The following SLC10A6 variants were observed in gnomAD, a reference collection of about 807,000 sequenced individuals.
SLC10A6 encodes the protein sodium-dependent organic anion transporter.
SLC10A6 carries 27 observed loss-of-function variants against 30.0 expected under a neutral mutation model. The observed-to-expected ratio is 0.90, with a 90% confidence interval of 0.66 to 1.24. The LOEUF is 1.24. Among genes scored for constraint, SLC10A6 ranks in the 50% most tolerant of loss-of-function variants. The pLI, the probability that SLC10A6 is intolerant of heterozygous loss-of-function variation, is 0.00. For missense variants in SLC10A6, 439 were observed against 457.0 expected, an observed-to-expected ratio of 0.96 and a Z score of 0.36; for synonymous variants, 166 against 173.8, an observed-to-expected ratio of 0.95 and a Z score of 0.36.
intron 4 of SLC10A6, among the ~76,000 whole-genome samples, chr4:86,827,206 C>G (rs1746012286): frequency 6.6e-6 from 1 of 152,184 alleles, no homozygotes; most frequent in South Asian, 2.1e-4. Context: ...GAGCCAATTG[C>G]ATTTCAACCA....
rs138324793 is a variant in SLC10A6 at position 86,831,049 on chromosome 4, T to C, written c.585+743A>G. On this transcript the variant is annotated intron_variant, in intron 3 of 5. Transcript: ENST00000273905. Reference sequence around the variant, plus strand: ...GTGCAATGGCATGATAATGGCTCACTGTAGCCTCAACCTCCTGGCCTCAAG... The same window carrying C: ...GTGCAATGGCATGATAATGGCTCACCGTAGCCTCAACCTCCTGGCCTCAAG... Among the ~76,000 whole-genome samples the C allele has an allele frequency of 9.2e-3, 1,404 of 152,288 alleles. 12 individuals carry two copies. Among genetic ancestry groups the C allele is most frequent in the Non-Finnish European group, 0.015 (1,023 of 68,022 alleles).
chr4:86,828,012 T>C lies in SLC10A6; in HGVS notation c.742A>G (p.Thr248Ala). ...CTATACCTTTGCCAAGACTGGTGGG[T>C]AAAAAGTGCCAGCAGAAAACCCGTG... The part of the protein sequence containing the change: ...HVTGFLLALF[T>A]HQSWQRCRTI... The change falls in exon 4 of 6, where the codon ACC (threonine) becomes GCC (alanine). Residue 248 changes from threonine to alanine, a missense_variant. Coordinates refer to ENST00000273905, the MANE Select transcript of SLC10A6 (RefSeq NM_197965.3). The C allele has an allele frequency of 6.2e-7, 1 of 1,612,764 alleles. No individual in the cohort carries two copies. The highest frequency in any genetic ancestry group is 8.5e-7 in the Non-Finnish European group (1 of 1,179,550).
chr4:86,835,735 G>T (rs1228976973), intron 1 of SLC10A6, among the ~76,000 whole-genome samples: 1 of 143,094 alleles, frequency 7.0e-6, no homozygotes, highest in Non-Finnish European at 1.5e-5. Flanking sequence ...GGAGAAGAAA[G>T]AAAGAAAGAA....
chr4:86,839,273 C>CAA (rs60340324), intron 1 of SLC10A6, among the ~76,000 whole-genome samples: 14 of 55,346 alleles, frequency 2.5e-4, no homozygotes, highest in African/African-American at 4.9e-4. Flanking sequence ...CTGGTCTCTA[C>CAA]AAAAAAAAAA....
chr4:86,839,509 T>C (rs920577722), intron 1 of SLC10A6, among the ~76,000 whole-genome samples: 3 of 152,124 alleles, frequency 2.0e-5, no homozygotes, highest in Non-Finnish European at 2.9e-5. Context: ...TTGCTTTTTT[T>C]CCCACTTCAT....
intron 1 of SLC10A6, among the ~76,000 whole-genome samples, chr4:86,847,977 T>C (rs978498154): frequency 1.3e-5 from 2 of 152,160 alleles, no homozygotes; most frequent in African/African-American, 4.8e-5. Context: ...TCAAAACATG[T>C]AATCCAGAAA....
At chr4:86,842,786 T>TTTTCCTTCTTTC (rs1746312975) in intron 1 of SLC10A6, among the ~76,000 whole-genome samples, 1 of 106,696 alleles carries the variant, frequency 9.4e-6, no homozygotes, top group Admixed American at 1.0e-4. Flanking sequence ...TGGACACCTC[T>TTTTCCTTCTTTC]TTTCTTTCTT....
At chr4:86,829,865 AC>A (rs1393333521) in intron 3 of SLC10A6, among the ~76,000 whole-genome samples, 6 of 152,258 alleles carry the variant, frequency 3.9e-5, no homozygotes, top group African/African-American at 1.4e-4. Context: ...AATAAAACTG[AC>A]ATGTAAAAAA....
chr4:86,841,649 G>A lies in SLC10A6; in HGVS notation c.377+7090C>T, dbSNP rs181646237. ...AGTCTTGAACCCTCCCTTAAAGCAG[G>A]GAAATTACATATATACACATTACAT... On this transcript the variant is annotated intron_variant, in intron 1 of 5. Transcript: ENST00000273905. 2.2e-4 allele frequency among the ~76,000 whole-genome samples: 34 copies of A among 152,106 alleles called. 1 individual carries two copies. Among genetic ancestry groups the A allele is most frequent in the Admixed American group, 1.2e-3 (19 of 15,282 alleles).
intron 3 of SLC10A6, 95 bp downstream of exon 3, chr4:86,831,697 A>T: frequency 1.0e-6 from 1 of 993,348 alleles, no homozygotes; most frequent in Non-Finnish European, 1.6e-6. Context: ...GTGGGGCCGT[A>T]CTCAACAAGC....
Position 86,823,611 on chromosome 4 carries a change from A to G in SLC10A6, c.*77T>C. On this transcript the variant is annotated 3_prime_UTR_variant, in exon 6 of 6. Coordinates refer to ENST00000273905, the MANE Select transcript of SLC10A6 (RefSeq NM_197965.3). ...AATATTCACACTGGCCCTACCAACA[A>G]GATTCATGTGTCAGCTGCACACTGT... is the stretch of plus-strand genomic sequence containing the variant. The G allele has an allele frequency of 8.5e-7, 1 of 1,179,394 alleles. No individual in the cohort carries two copies. Among genetic ancestry groups the G allele is most frequent in the Non-Finnish European group, 1.2e-6 (1 of 842,338 alleles). The allele number at this position is 1,179,394 out of a possible 1,614,324, so 73.1% of individuals were successfully genotyped here.
intron 1 of SLC10A6, chr4:86,837,769 G>T (rs1578758123): frequency 2.9e-6 from 1 of 344,620 alleles, no homozygotes; most frequent in Non-Finnish European, 4.1e-6. Context: ...CTTTCAATTT[G>T]CTGGAAAAAA....
At chr4:86,843,979 C>T (rs1462504762) in intron 1 of SLC10A6, among the ~76,000 whole-genome samples, 1 of 151,970 alleles carries the variant, frequency 6.6e-6, no homozygotes, top group Non-Finnish European at 1.5e-5. Flanking sequence ...GAGATCAAGA[C>T]CATCCTGGCT....
intron 1 of SLC10A6, among the ~76,000 whole-genome samples, chr4:86,844,050 C>T (rs542295828): frequency 4.8e-4 from 73 of 151,942 alleles, no homozygotes; most frequent in Non-Finnish European, 8.4e-4. Context: ...TGGTGGCAGG[C>T]GCCTGTAGTC....
chr4:86,843,465 G>A (rs887656782), intron 1 of SLC10A6, among the ~76,000 whole-genome samples: 1 of 152,070 alleles, frequency 6.6e-6, no homozygotes, highest in Non-Finnish European at 1.5e-5. Flanking sequence ...AGAGGAAGGG[G>A]GACATTTGGA....
At chr4:86,841,939 C>T (rs894639945) in intron 1 of SLC10A6, among the ~76,000 whole-genome samples, 2 of 152,192 alleles carry the variant, frequency 1.3e-5, no homozygotes, top group Non-Finnish European at 2.9e-5. Context: ...CCCTTGTCTG[C>T]TGCCTTCCAA....
At position 86,825,644 on chromosome 4, in the gene SLC10A6, A is replaced by T. The variant is rs936478103; in HGVS notation, c.762-67T>A. The T allele has an allele frequency of 4.2e-6, 6 of 1,444,086 alleles. No homozygotes were observed. In the African/African-American group the frequency reaches 8.4e-5, roughly 20 times the overall value. 89.5% of individuals were successfully genotyped at this position (1,444,086 alleles called of 1,614,324 possible). On this transcript the variant is annotated intron_variant, in intron 4 of 5. Transcript: ENST00000273905. ...AAGAACTATTCTAATATTTTCTCATATGCATCATAACAATTAGAAGCTATG... is the reference window on the plus strand; with the variant it reads ...AAGAACTATTCTAATATTTTCTCATTTGCATCATAACAATTAGAAGCTATG...
chr4:86,841,202 G>A (rs1485473875), intron 1 of SLC10A6, among the ~76,000 whole-genome samples: 1 of 152,164 alleles, frequency 6.6e-6, no homozygotes, highest in African/African-American at 2.4e-5. Flanking sequence ...TCATGATTAT[G>A]GGAAGCAAAG....
chr4:86,826,416 C>G (rs1343662354), intron 4 of SLC10A6, among the ~76,000 whole-genome samples: 1 of 151,724 alleles, frequency 6.6e-6, no homozygotes, highest in Non-Finnish European at 1.5e-5. Context: ...CTGTCCCTAC[C>G]AAAAATACAA....
Sources: gnomAD v4.1 joint callset for allele counts (sites outside exome capture counted in the v4.1 genomes callset) on GRCh38, gnomAD v4.1.1 for gene constraint, MANE v1.5 for transcripts, NCBI Gene and HGNC (gene_info 2026-07-23, HGNC 2026-07-21) for gene names.